CTNNA1: variants seen among roughly 807,000 people sequenced by gnomAD.
CTNNA1 encodes the protein catenin alpha 1.
In CTNNA1, 37 loss-of-function variants were observed where a neutral mutation model predicts 98.4. That is an observed-to-expected ratio of 0.38 (90% CI 0.29 to 0.49). The LOEUF is 0.49. Ranked by LOEUF, CTNNA1 falls within the 20% of genes least tolerant of loss-of-function variation. The pLI, the probability that CTNNA1 is intolerant of heterozygous loss-of-function variation, is 0.95. For synonymous variants in CTNNA1, 404 were observed against 413.2 expected (o/e 0.98, Z 0.27); for missense variants, 761 against 1,147.2 (o/e 0.66, Z 4.86).
intron 4 of CTNNA1, among the ~76,000 whole-genome samples, chr5:138,811,781 GGCA>G (rs1188651398): frequency 6.6e-6 from 1 of 152,170 alleles, no homozygotes; most frequent in Non-Finnish European, 1.5e-5. Flanking sequence ...AGTCAGGCGT[GGCA>G]GCGCACGCCT....
At chr5:138,815,072 A>G (rs1446622914) in intron 5 of CTNNA1, among the ~76,000 whole-genome samples, 1 of 152,216 alleles carries the variant, frequency 6.6e-6, no homozygotes, top group Non-Finnish European at 1.5e-5. Flanking sequence ...TATGCTATTC[A>G]AGAAACTTAC....
At chr5:138,821,086 G>A (rs779215897) in intron 5 of CTNNA1, among the ~76,000 whole-genome samples, 44 of 152,206 alleles carry the variant, frequency 2.9e-4, no homozygotes, top group Non-Finnish European at 5.7e-4. Flanking sequence ...TGCTGTACTG[G>A]AATTGGATTC....
intron 7 of CTNNA1, among the ~76,000 whole-genome samples, chr5:138,867,638 T>G (rs1244861706): frequency 6.6e-6 from 1 of 152,168 alleles, no homozygotes; most frequent in Non-Finnish European, 1.5e-5. Context: ...TTTCTTTCTC[T>G]TCCTTCTCGG....
intron 10 of CTNNA1, among the ~76,000 whole-genome samples, chr5:138,913,741 A>G (rs540415919): frequency 2.6e-5 from 4 of 152,314 alleles, no homozygotes; most frequent in Admixed American, 1.3e-4. Context: ...TATTTAACCA[A>G]TGGTGACAGT....
chr5:138,909,399 C>T (rs1561713551), intron 10 of CTNNA1, among the ~76,000 whole-genome samples: 1 of 148,114 alleles, frequency 6.8e-6, no homozygotes. Context: ...CACTCTGTTA[C>T]CCAGGCTAGA....
chr5:138,813,852 A>G (rs889634478), intron 5 of CTNNA1, among the ~76,000 whole-genome samples: 5 of 152,164 alleles, frequency 3.3e-5, no homozygotes, highest in Non-Finnish European at 7.3e-5. Flanking sequence ...TCCTGGGCTC[A>G]AGAGATCCTC....
chr5:138,887,694 T>G, intron 9 of CTNNA1, 52 bp downstream of exon 9: 1 of 1,505,108 alleles, frequency 6.6e-7, no homozygotes, highest in Non-Finnish European at 9.1e-7. Flanking sequence ...TGAAGTGTGG[T>G]GAGTTTTAAT....
At position 138,873,437 on chromosome 5, in the gene CTNNA1, C is replaced by CTA; in HGVS notation, c.1063-12772_1063-12771dup. 6.2e-7 allele frequency: 1 copy of CTA among 1,613,974 alleles called. No individual in the cohort carries two copies. The highest frequency in any genetic ancestry group is 8.5e-7 in the Non-Finnish European group (1 of 1,179,888). On this transcript the variant is annotated intron_variant, in intron 7 of 17. Transcript: ENST00000302763. The surrounding 1 kb of genome is among the most constrained non-coding windows in gnomAD (Gnocchi z 6.1). Reference sequence around the variant, plus strand: ...TTTTGTATATTCAGTGGTTGGATCTCTATAAGTTGTAGCCATGACAGTGAC... The same window carrying CTA: ...TTTTGTATATTCAGTGGTTGGATCTCTATATAAGTTGTAGCCATGACAGTGAC...
chr5:138,896,222 C>T (rs528852191), intron 9 of CTNNA1, among the ~76,000 whole-genome samples: 1 of 152,186 alleles, frequency 6.6e-6, no homozygotes, highest in East Asian at 1.9e-4. Flanking sequence ...TGCAGGCTGC[C>T]TATTGGATCT....
intron 1 of CTNNA1, among the ~76,000 whole-genome samples, chr5:138,780,440 G>T (rs1214530960): frequency 6.6e-6 from 1 of 151,844 alleles, no homozygotes. Flanking sequence ...TGATCTGCCC[G>T]CCTCAGCCTC....
intron 3 of CTNNA1, among the ~76,000 whole-genome samples, chr5:138,784,793 C>T (rs1755495391): frequency 6.6e-6 from 1 of 152,144 alleles, no homozygotes; most frequent in African/African-American, 2.4e-5. Context: ...TCTTAGCATT[C>T]CTTGGCTTGC....
chr5:138,823,758 C>T (rs1313744724), intron 5 of CTNNA1, among the ~76,000 whole-genome samples: 2 of 151,554 alleles, frequency 1.3e-5, no homozygotes, highest in African/African-American at 2.4e-5. Context: ...GAGATCGAGG[C>T]CATCCCGGCT....
In CTNNA1 at chr5:138,826,565, C is replaced by T. The variant is rs141213342; in HGVS notation, c.859-950C>T. Among the ~76,000 whole-genome samples, 130 of 152,254 alleles carry T rather than the reference C, an allele frequency of 8.5e-4. 1 individual carries two copies. The highest frequency in any genetic ancestry group is 5.1e-3 in the Admixed American group (78 of 15,298). On this transcript the variant is annotated intron_variant, in intron 6 of 17. Coordinates refer to ENST00000302763, the MANE Select transcript of CTNNA1 (RefSeq NM_001903.5). ...GAAAAAGGATTTATTCTTATTGGAG[C>T]AGTTCTTCCTCACAGCTTAGGTTTT...
At chr5:138,819,483 T>G (rs1561558426) in intron 5 of CTNNA1, among the ~76,000 whole-genome samples, 4 of 152,176 alleles carry the variant, frequency 2.6e-5, no homozygotes, top group Admixed American at 2.0e-4. Flanking sequence ...TGCAGGGTAC[T>G]ATGTCGGCTC....
intron 12 of CTNNA1, 46 bp downstream of exon 12, chr5:138,924,756 A>G: frequency 1.3e-6 from 2 of 1,507,584 alleles, no homozygotes; most frequent in Non-Finnish European, 1.8e-6. Context: ...CCGCAGCCTC[A>G]GTGAGGCAGG....
At chr5:138,851,438 C>A (rs1763173003) in intron 7 of CTNNA1, among the ~76,000 whole-genome samples, 1 of 152,132 alleles carries the variant, frequency 6.6e-6, no homozygotes, top group South Asian at 2.1e-4. Flanking sequence ...AGTCTCTAAG[C>A]AGGAGAGGTG....
At chr5:138,850,702 C>T (rs867443588) in intron 7 of CTNNA1, among the ~76,000 whole-genome samples, 17 of 152,254 alleles carry the variant, frequency 1.1e-4, no homozygotes, top group South Asian at 6.2e-4. Flanking sequence ...GTGTATCCAA[C>T]GACTCCTGTG....
intron 7 of CTNNA1, among the ~76,000 whole-genome samples, chr5:138,854,591 G>A (rs1375797792): frequency 1.3e-5 from 2 of 152,176 alleles, no homozygotes; most frequent in African/African-American, 4.8e-5. Flanking sequence ...AAATTATGTG[G>A]TACAGTGAAA....
At position 138,929,459 on chromosome 5, in the gene CTNNA1, T is replaced by C. The variant is rs533953663; in HGVS notation, c.2010+103T>C. 4 of 634,642 alleles carry C rather than the reference T, an allele frequency of 6.3e-6. No homozygotes were observed. In the Admixed American group the frequency reaches 1.0e-4, roughly 16 times the overall value. The allele number at this position is 634,642 out of a possible 1,614,324, so 39.3% of individuals were successfully genotyped here. On this transcript the variant is annotated intron_variant, in intron 14 of 17. Transcript: ENST00000302763. ...CCCTCAGTATTCAGAACACCGTTTC[T>C]CTCTCTCTGTCTCTCTGGCAGTAGA...
Sources: gnomAD v4.1 joint callset for allele counts (sites outside exome capture counted in the v4.1 genomes callset) on GRCh38, gnomAD v4.1.1 for gene constraint, Gnocchi (gnomAD v3.1) non-coding constraint, MANE v1.5 for transcripts, NCBI Gene and HGNC (gene_info 2026-07-23, HGNC 2026-07-21) for gene names.